Variants in CDCA5 observed in about 807,000 individuals in gnomAD.
CDCA5 encodes the protein cell division cycle associated 5.
CDCA5 carries 14 observed loss-of-function variants against 25.7 expected under a neutral mutation model. The ratio of observed to expected loss-of-function variants is 0.54; its 90% CI spans 0.36 to 0.85. CDCA5 has a LOEUF of 0.85. CDCA5 is among the 40% of genes least tolerant of loss of function. The pLI, the probability that CDCA5 is intolerant of heterozygous loss-of-function variation, is 0.01. For synonymous variants in CDCA5, 127 were observed against 128.7 expected, an observed-to-expected ratio of 0.99 and a Z score of 0.09; for missense variants, 307 against 324.5, an observed-to-expected ratio of 0.95 and a Z score of 0.41.
Position 65,079,055 on chromosome 11 carries a change from C to G in CDCA5, c.*52G>C. ...AAGTGTCCTCTCCACAGGGAGGTGGCTATGTACAGGACAGGAGGGAGAGTC... is the reference window on the plus strand; with the variant it reads ...AAGTGTCCTCTCCACAGGGAGGTGGGTATGTACAGGACAGGAGGGAGAGTC... On this transcript the variant is annotated 3_prime_UTR_variant, in exon 6 of 6. Transcript: ENST00000275517. 1 of 1,474,692 alleles carries G rather than the reference C, an allele frequency of 6.8e-7. No homozygotes were observed. The highest frequency in any genetic ancestry group is 9.0e-7 in the Non-Finnish European group (1 of 1,113,370). 91.4% of individuals were successfully genotyped at this position (1,474,692 alleles called of 1,614,324 possible).
downstream of CDCA5, among the ~76,000 whole-genome samples, chr11:65,073,236 C>T (rs190423080): frequency 1.1e-3 from 163 of 152,148 alleles, 1 homozygote; most frequent in Admixed American, 0.01. Flanking sequence ...TGAGCCACCG[C>T]GCCCGGCCGA....
intron 1 of CDCA5, 62 bp from the exon 2 acceptor site, chr11:65,083,785 G>A: frequency 1.3e-6 from 2 of 1,576,752 alleles, no homozygotes; most frequent in Non-Finnish European, 1.7e-6. Context: ...CCAGAGAACA[G>A]GTTCTAGAGA....
At chr11:65,066,806 G>C in intron 5 of CDCA5, 1 of 1,289,328 alleles carries the variant, frequency 7.8e-7, no homozygotes, top group South Asian at 1.2e-5. Context: ...CTGGCTCAGG[G>C]TCTTACCAGG....
rs767980109 is a variant in CDCA5, at chr11:65,083,544, T to A, written c.148A>T (p.Ser50Cys). The change falls in exon 3 of 6, where the codon AGT becomes TGT. Residue 50 changes from serine to cysteine, a missense_variant. Physicochemically the swap from Ser to Cys is moderately radical, Grantham distance 112 (BLOSUM62 -1). Transcript: ENST00000275517. ...ILPEIWPKTPSAAAVRKPIVL... is the reference protein window; with the variant it reads ...ILPEIWPKTPCAAAVRKPIVL... ...ATGGGCTTTCTGACTGCAGCCGCAC[T>A]GGGTGTCTGGAGAAGAGGGATGAAC... 1.9e-6 allele frequency: 3 copies of A among 1,614,048 alleles called. No homozygotes were observed. The highest frequency in any genetic ancestry group is 2.7e-5 in the African/African-American group (2 of 74,908).
intron 4 of CDCA5, 163 bp downstream of exon 4, chr11:65,083,201 C>G: frequency 6.8e-6 from 5 of 731,992 alleles, no homozygotes; most frequent in Non-Finnish European, 1.2e-5. Context: ...ATTAAGTCTT[C>G]AGGGAGTAAT....
intron 3 of CDCA5, chr11:65,067,858 C>G (rs1947269194): frequency 1.2e-6 from 1 of 827,544 alleles, no homozygotes; most frequent in Non-Finnish European, 1.7e-6. Flanking sequence ...TTCAGCAGGC[C>G]TCTCTGGGCC....
rs770967585 is a variant in CDCA5 at position 65,079,306 on chromosome 11, C to T, written c.678+47G>A. On this transcript the variant is annotated intron_variant, in intron 5 of 5. Coordinates refer to ENST00000275517, the MANE Select transcript of CDCA5 (RefSeq NM_080668.4). ...AAAGAGCCAGAGCCCCAGCCCTGCA[C>T]GTCTCCCAGAGCACACGGCAGAGAA... The T allele has an allele frequency of 2.2e-5, 36 of 1,613,222 alleles. No homozygotes were observed. The African/African-American group carries it at 2.4e-4, about 11-fold the overall frequency.
At chr11:65,067,698 G>T (rs866861777) in exon 4 of CDCA5, 3 of 1,289,768 alleles carry the variant, frequency 2.3e-6, no homozygotes, top group Non-Finnish European at 3.0e-6. Context: ...TTTGAGGTCC[G>T]CTGGGGGCCC....
In CDCA5 at chr11:65,068,191, C is replaced by A. The variant is rs1225593167; in HGVS notation, c.178-73G>T. ...ACCCAAGAGCCTGGGTCCTCCCACACCCCCCATCCTTGCCATCTCCCTGTC... is the reference window on the plus strand; with the variant it reads ...ACCCAAGAGCCTGGGTCCTCCCACAACCCCCATCCTTGCCATCTCCCTGTC... On this transcript the variant is annotated intron_variant, in intron 2 of 6. Transcript: ENST00000525464. 2.4e-5 allele frequency: 23 copies of A among 958,656 alleles called. No homozygotes were observed. In the East Asian group the frequency reaches 1.3e-3, roughly 56 times the overall value. The allele number at this position is 958,656 out of a possible 1,614,324, so 59.4% of individuals were successfully genotyped here.
In CDCA5 at chr11:65,068,025, A is replaced by G. The variant is rs1292546031; in HGVS notation, c.269+2T>C. ...CTCTCTCTCTCTCTCATGCAGCCTT[A>G]CGATTCAGGGTCTTTTGGCTCAGTG... On this transcript the variant is annotated splice_donor_variant, in intron 3 of 6. Coordinates refer to the CDCA5 transcript ENST00000525464. LOFTEE classifies it high-confidence loss of function. The G allele has an allele frequency of 7.8e-7, 1 of 1,287,312 alleles. No individual in the cohort carries two copies. Among genetic ancestry groups the G allele is most frequent in the South Asian group, 1.2e-5 (1 of 80,976 alleles). The allele number at this position is 1,287,312 out of a possible 1,614,324, so 79.7% of individuals were successfully genotyped here. A position where few individuals can be genotyped will look rare whatever the true frequency, so the allele number is the denominator to read the frequency against.
chr11:65,080,562 G>T (rs1035000846), intron 4 of CDCA5, among the ~76,000 whole-genome samples: 1 of 152,158 alleles, frequency 6.6e-6, no homozygotes, highest in Non-Finnish European at 1.5e-5. Context: ...ACAGGCATGT[G>T]ACACTCTGTC....
intron 1 of CDCA5, among the ~76,000 whole-genome samples, chr11:65,069,682 A>G (rs1947304258): frequency 6.6e-6 from 1 of 152,182 alleles, no homozygotes; most frequent in South Asian, 2.1e-4. Flanking sequence ...AATAAAAGTA[A>G]TTCACATGGA....
chr11:65,079,465 G>A lies in CDCA5; in HGVS notation c.566C>T (p.Thr189Ile). The A allele has an allele frequency of 6.2e-7, 1 of 1,614,118 alleles. No homozygotes were observed. Among genetic ancestry groups the A allele is most frequent in the Non-Finnish European group, 8.5e-7 (1 of 1,180,018 alleles). The change falls in exon 5 of 6, where the codon ACC (threonine) becomes ATC (isoleucine). Residue 189 changes from threonine to isoleucine, a missense_variant. Thr to Ile is a moderately conservative substitution (Grantham distance 89). Transcript: ENST00000275517. ...CTTTGCACAAACCCTGGGGACCTCGGTGAGTTTGGAGCACACCACTGGCGA... is the reference window on the plus strand; with the variant it reads ...CTTTGCACAAACCCTGGGGACCTCGATGAGTTTGGAGCACACCACTGGCGA... Reference protein sequence around the residue: ...GVSPVVCSKLTEVPRVCAKPW... With the variant: ...GVSPVVCSKLIEVPRVCAKPW...
At chr11:65,074,818 T>A (rs1947409159), downstream of CDCA5, among the ~76,000 whole-genome samples, 1 of 151,308 alleles carries the variant, frequency 6.6e-6, no homozygotes, top group South Asian at 2.1e-4. Flanking sequence ...TCCCAGCACT[T>A]TAGGAGGCCA....
intron 2 of CDCA5, chr11:65,068,415 T>C (rs758513639): frequency 5.3e-6 from 5 of 944,636 alleles, no homozygotes; most frequent in Non-Finnish European, 7.3e-6. Flanking sequence ...TCCATTCAGA[T>C]ACAGGAAGAA....
downstream of CDCA5, among the ~76,000 whole-genome samples, chr11:65,065,047 C>T (rs1391348440): frequency 2.0e-5 from 3 of 152,062 alleles, no homozygotes; most frequent in African/African-American, 7.2e-5. Flanking sequence ...GAATTTCCAT[C>T]CTCTTGGCTG....
At position 65,079,491 on chromosome 11, in the gene CDCA5, G is replaced by C; in HGVS notation, c.540C>G (p.Val180=). 2 of 1,614,172 alleles carry C rather than the reference G, an allele frequency of 1.2e-6. No homozygotes were observed. The highest frequency in any genetic ancestry group is 1.7e-6 in the Non-Finnish European group (2 of 1,180,030). Residue 180 remains valine, a synonymous_variant, in exon 5 of 6, where the codon GTC becomes GTG. Transcript: ENST00000275517. ...GLLGAEDLSG[V]SPVVCSKLTE... Reference sequence around the variant, plus strand: ...TGAGTTTGGAGCACACCACTGGCGAGACTCCGGACAAGTCTTCTGCCCCCA... The same window carrying C: ...TGAGTTTGGAGCACACCACTGGCGACACTCCGGACAAGTCTTCTGCCCCCA...
At chr11:65,082,225 G>A (rs1947582606) in intron 4 of CDCA5, among the ~76,000 whole-genome samples, 1 of 152,022 alleles carries the variant, frequency 6.6e-6, no homozygotes, top group Admixed American at 6.6e-5. Flanking sequence ...ACTTGACTCG[G>A]TCACTACCTT....
At chr11:65,068,691 C>T (rs1947287698) in intron 1 of CDCA5, 2 of 703,534 alleles carry the variant, frequency 2.8e-6, no homozygotes, top group Non-Finnish European at 4.3e-6. Flanking sequence ...GGGCGGCTTC[C>T]AGCCTGGCGA....
Sources: gnomAD v4.1 joint callset for allele counts (sites outside exome capture counted in the v4.1 genomes callset) on GRCh38, gnomAD v4.1.1 for gene constraint, MANE v1.5 for transcripts, NCBI Gene and HGNC (gene_info 2026-07-23, HGNC 2026-07-21) for gene names.